The following MAP4K3 variants were observed in gnomAD, a reference collection of about 807,000 sequenced individuals.
MAP4K3 encodes mitogen-activated protein kinase kinase kinase kinase 3.
MAP4K3 carries 94 observed loss-of-function variants against 143.5 expected under a neutral mutation model. The ratio of observed to expected loss-of-function variants is 0.65; its 90% confidence interval spans 0.55 to 0.78. The LOEUF is 0.78. Among genes scored for constraint, MAP4K3 ranks in the 30% least tolerant of loss-of-function variants. The pLI is 0.00. For synonymous variants in MAP4K3, 416 were observed against 347.2 expected (o/e 1.20, Z -2.20); for missense variants, 1,077 against 1,068.1 (o/e 1.01, Z -0.12).
At chr2:39,405,817 A>G (rs1175738141) in intron 1 of MAP4K3, among the ~76,000 whole-genome samples, 1 of 152,132 alleles carries the variant, frequency 6.6e-6, no homozygotes, top group Non-Finnish European at 1.5e-5. Context: ...GGTTACAGTG[A>G]GCCGAGATCA....
In MAP4K3 at chr2:39,353,429, T is replaced by C. The variant is rs757721027; in HGVS notation, c.245+2820A>G. 1.7e-3 allele frequency among the ~76,000 whole-genome samples: 261 copies of C among 152,176 alleles called. 1 individual carries two copies. The highest frequency in any genetic ancestry group is 3.1e-3 in the Non-Finnish European group (211 of 68,024). On this transcript the variant is annotated intron_variant, in intron 3 of 33. Transcript: ENST00000263881. Reference sequence around the variant, plus strand: ...TGATCAGCTATACCCATTTACAGAATAAAATAATATATTTAAATCAGTGTT... The same window carrying C: ...TGATCAGCTATACCCATTTACAGAACAAAATAATATATTTAAATCAGTGTT...
At chr2:39,286,260 C>T (rs1011197459) in intron 21 of MAP4K3, among the ~76,000 whole-genome samples, 1 of 152,216 alleles carries the variant, frequency 6.6e-6, no homozygotes, top group Non-Finnish European at 1.5e-5. Context: ...AGGGTTTGCA[C>T]TACGAGAATC....
intron 1 of MAP4K3, among the ~76,000 whole-genome samples, chr2:39,407,382 G>C (rs775996980): frequency 6.6e-6 from 1 of 150,874 alleles, no homozygotes; most frequent in African/African-American, 2.4e-5. Flanking sequence ...TAAAGTTGAA[G>C]AATGCCAGTT....
At position 39,378,133 on chromosome 2, in the gene MAP4K3, A is replaced by G. The variant is rs1002793694; in HGVS notation, c.97-10T>C. The G allele has an allele frequency of 4.6e-6, 7 of 1,532,558 alleles. No homozygotes were observed. Among genetic ancestry groups the G allele is most frequent in the Non-Finnish European group, 6.2e-6 (7 of 1,123,204 alleles). The allele number at this position is 1,532,558 out of a possible 1,614,324, so 94.9% of individuals were successfully genotyped here. A position where few individuals can be genotyped will look rare whatever the true frequency, so the allele number is the denominator to read the frequency against. On this transcript the variant is annotated splice_polypyrimidine_tract_variant and intron_variant, in intron 1 of 33. Coordinates refer to ENST00000263881, the MANE Select transcript of MAP4K3 (RefSeq NM_003618.4). The stretch of plus-strand genomic sequence containing the variant: ...TGTTAACATTCCGTGCCTAAAAGAA[A>G]GAGGAAAAAAGGATTATTGTGAAGA...
rs181224702 is a variant in MAP4K3, at chr2:39,272,403, A to G, written c.1856-3T>C. The G allele has an allele frequency of 9.1e-5, 146 of 1,608,598 alleles. 3 individuals are homozygous for G. In the South Asian group the frequency reaches 1.3e-3, roughly 14 times the overall value. The stretch of plus-strand genomic sequence containing the variant: ...GGAATAAAGCTGAGAAGCTTTACCT[A>G]TAAAGAAAAACAGATATGACATAAA... On this transcript the variant is annotated splice_polypyrimidine_tract_variant and splice_region_variant and intron_variant, in intron 25 of 33. Coordinates refer to ENST00000263881, the MANE Select transcript of MAP4K3 (RefSeq NM_003618.4).
intron 26 of MAP4K3, 148 bp downstream of exon 26, chr2:39,272,135 C>T (rs546149513): frequency 7.7e-5 from 40 of 516,516 alleles, no homozygotes; most frequent in Admixed American, 7.6e-4. Context: ...AGAGTGTGAT[C>T]ACTAAGCACT....
At chr2:39,288,919 G>T (rs915196334) in intron 19 of MAP4K3, among the ~76,000 whole-genome samples, 1 of 152,178 alleles carries the variant, frequency 6.6e-6, no homozygotes, top group Non-Finnish European at 1.5e-5. Context: ...GGGCGTGGTG[G>T]CGGGTGCCTG....
At chr2:39,347,831 T>C (rs1373437827) in intron 3 of MAP4K3, among the ~76,000 whole-genome samples, 1 of 152,070 alleles carries the variant, frequency 6.6e-6, no homozygotes, top group South Asian at 2.1e-4. Flanking sequence ...TTCTTATAAG[T>C]GGTCATTAAT....
At chr2:39,304,101 C>G (rs1682607141) in intron 15 of MAP4K3, among the ~76,000 whole-genome samples, 1 of 150,734 alleles carries the variant, frequency 6.6e-6, no homozygotes, top group South Asian at 2.1e-4. Flanking sequence ...ACTGTCAATT[C>G]TAAAAAATCA....
At chr2:39,395,083 C>T (rs1352616784) in intron 1 of MAP4K3, among the ~76,000 whole-genome samples, 1 of 152,038 alleles carries the variant, frequency 6.6e-6, no homozygotes, top group East Asian at 1.9e-4. Context: ...TGAAATTAAA[C>T]AACCTTCCAG....
chr2:39,434,779 C>T (rs1463682912), intron 1 of MAP4K3, among the ~76,000 whole-genome samples: 2 of 152,210 alleles, frequency 1.3e-5, no homozygotes, highest in African/African-American at 4.8e-5. Flanking sequence ...AACAATAGCA[C>T]CTATCTCACA....
intron 8 of MAP4K3, among the ~76,000 whole-genome samples, chr2:39,327,420 CTAATTA>C (rs1463236383): frequency 2.6e-5 from 4 of 152,118 alleles, no homozygotes; most frequent in Non-Finnish European, 5.9e-5. Context: ...CAGTCTTATT[CTAATTA>C]TACTTCCATA....
intron 1 of MAP4K3, among the ~76,000 whole-genome samples, chr2:39,412,809 T>C (rs566401603): frequency 6.6e-6 from 1 of 152,094 alleles, no homozygotes; most frequent in South Asian, 2.1e-4. Context: ...AATTGAGGCA[T>C]AAAGAAATTA....
chr2:39,292,590 T>C (rs566749760), intron 18 of MAP4K3, among the ~76,000 whole-genome samples, 183 bp downstream of exon 18: 13 of 152,188 alleles, frequency 8.5e-5, no homozygotes, highest in Non-Finnish European at 1.9e-4. Context: ...TCTAAGTCTA[T>C]GGTATTTTGT....
rs755552779 is a variant in MAP4K3 at position 39,325,510 on chromosome 2, A to G, written c.918+8T>C. The G allele has an allele frequency of 3.1e-6, 5 of 1,598,298 alleles. No homozygotes were observed. Among genetic ancestry groups the G allele is most frequent in the Non-Finnish European group, 3.4e-6 (4 of 1,167,410 alleles). ...TTATATATGCCCGCTGGTAAAAGCAATTCCTACCTCAGGATCATCATCATC... is the reference window on the plus strand; with the variant it reads ...TTATATATGCCCGCTGGTAAAAGCAGTTCCTACCTCAGGATCATCATCATC... On this transcript the variant is annotated splice_region_variant and intron_variant, in intron 12 of 33. Coordinates refer to ENST00000263881, the MANE Select transcript of MAP4K3 (RefSeq NM_003618.4).
At position 39,291,482 on chromosome 2, in the gene MAP4K3, G is replaced by A. The variant is rs559870290; in HGVS notation, c.1272-1148C>T. Among the ~76,000 whole-genome samples the A allele has an allele frequency of 2.6e-5, 4 of 152,262 alleles. No individual in the cohort carries two copies. In the South Asian group the frequency reaches 6.2e-4, roughly 24 times the overall value. On this transcript the variant is annotated intron_variant, in intron 18 of 33. Coordinates refer to ENST00000263881, the MANE Select transcript of MAP4K3 (RefSeq NM_003618.4). ...GTAAACTTCATTTTTGCTACTGTTA[G>A]ATATGAAACATCTTTGATGAAGCTC...
chr2:39,263,755 G>C (rs1484757879), intron 28 of MAP4K3, among the ~76,000 whole-genome samples: 4 of 152,136 alleles, frequency 2.6e-5, no homozygotes, highest in Non-Finnish European at 4.4e-5. Flanking sequence ...ATGCTGGTAA[G>C]AGGCCTCATT....
intron 3 of MAP4K3, among the ~76,000 whole-genome samples, chr2:39,352,610 T>C (rs532894457): frequency 6.8e-4 from 103 of 152,330 alleles, no homozygotes; most frequent in African/African-American, 2.4e-3. Context: ...GCTTTGTCTA[T>C]CTACTTTTAT....
At chr2:39,413,194 G>T (rs1319685328) in intron 1 of MAP4K3, among the ~76,000 whole-genome samples, 1 of 152,134 alleles carries the variant, frequency 6.6e-6, no homozygotes, top group Non-Finnish European at 1.5e-5. Flanking sequence ...TAAATTCCTT[G>T]TATCAGAAAG....
Sources: allele counts gnomAD v4.1 joint callset (sites outside exome capture counted in the v4.1 genomes callset), GRCh38; gene constraint gnomAD v4.1.1; transcripts MANE v1.5; gene names NCBI Gene and HGNC (gene_info 2026-07-23, HGNC 2026-07-21).